ALG3: variants seen among roughly 807,000 people sequenced by gnomAD.
ALG3 encodes ALG3 alpha-1,3- mannosyltransferase.
ALG3 carries 39 observed loss-of-function variants against 50.5 expected under a neutral mutation model. The observed-to-expected ratio is 0.77, with a 90% CI of 0.60 to 1.01. The LOEUF (loss-of-function observed/expected upper bound fraction) is 1.01. Among genes scored for constraint, ALG3 ranks in the 50% least tolerant of loss-of-function variants. The probability of loss-of-function intolerance (pLI) is 0.00; values close to 1 mark genes in which losing one functional copy is unlikely to be tolerated. For synonymous variants in ALG3, 252 were observed against 237.2 expected, an observed-to-expected ratio of 1.06 and a Z score of -0.58; for missense variants, 520 against 554.8, an observed-to-expected ratio of 0.94 and a Z score of 0.63.
intron 7 of ALG3, chr3:184,243,291 T>C (rs1490877425): frequency 5.2e-6 from 3 of 576,898 alleles, no homozygotes; most frequent in South Asian, 2.3e-5. Context: ...TCGGGGTCTC[T>C]TGTGAGCTTT....
In ALG3 at chr3:184,242,947, AG is replaced by A; in HGVS notation, c.1019del (p.Ser340LeufsTer128). On this transcript the variant is annotated frameshift_variant, in exon 8 of 9. Transcript: ENST00000397676. LOFTEE classifies it high-confidence loss of function. ...PQPLTPNQIVSTLFTSNFIGI... is the reference protein window; with the variant it reads ...PQPLTPNQIVXTLFTSNFIGI... Reference sequence around the variant, plus strand: ...CAATGAAGTTGGAGGTGAAGAGGGTAGAAACGATCTGTATGCGGTGGTCAAG... The same window carrying A: ...CAATGAAGTTGGAGGTGAAGAGGGTAAAACGATCTGTATGCGGTGGTCAAG... 6.2e-7 allele frequency: 1 copy of A among 1,613,516 alleles called. No individual in the cohort carries two copies.
intron 1 of ALG3, among the ~76,000 whole-genome samples, chr3:184,246,999 G>A (rs1179396938): frequency 3.9e-5 from 6 of 152,082 alleles, no homozygotes; most frequent in African/African-American, 9.7e-5. Flanking sequence ...CCATCTCCCC[G>A]GTTCGAGCCA....
chr3:184,244,754 T>C, intron 4 of ALG3, 33 bp from the exon 5 acceptor site: 1 of 1,597,850 alleles, frequency 6.3e-7, no homozygotes, highest in Non-Finnish European at 8.5e-7. Context: ...AGGGTGGAGA[T>C]CAGCTCCAGG....
intron 1 of ALG3, among the ~76,000 whole-genome samples, chr3:184,246,282 T>C (rs768122225): frequency 6.6e-6 from 1 of 152,198 alleles, no homozygotes; most frequent in Non-Finnish European, 1.5e-5. Context: ...ACTTCTACTT[T>C]CACCCTGCTA....
intron 3 of ALG3, 38 bp from the exon 4 acceptor site, chr3:184,245,396 G>A: frequency 6.2e-7 from 1 of 1,613,302 alleles, no homozygotes. Flanking sequence ...GGTCAGCTCA[G>A]CAAGCCTGAG....
upstream of ALG3, chr3:184,249,246 C>G (rs1487686078): frequency 6.2e-7 from 1 of 1,612,700 alleles, no homozygotes; most frequent in Non-Finnish European, 8.5e-7. Flanking sequence ...ACCGCTGAAG[C>G]CAGCATTCTC....
Position 184,245,574 on chromosome 3 carries a change from T to C in ALG3, c.338A>G (p.Tyr113Cys), listed in dbSNP as rs745555108. The C allele has an allele frequency of 6.2e-7, 1 of 1,613,682 alleles. No homozygotes were observed. Among genetic ancestry groups the C allele is most frequent in the Non-Finnish European group, 8.5e-7 (1 of 1,179,764 alleles). ...GFVYIFMGLY[Y>C]ATSRGTDIRM... ...GATGTCAGTGCCTCGGCTGGTGGCA[T>C]AGTACAACCCCATAAAGATGTACAC... The change falls in exon 3 of 9, where the codon TAT (tyrosine) becomes TGT (cysteine). Residue 113 changes from tyrosine to cysteine, a missense_variant. Physicochemically the swap from Tyr to Cys is radical, Grantham distance 194. This residue lies in a region of ALG3 where 290 missense variants were observed against 265.9 expected (regional missense o/e 1.09). Transcript: ENST00000397676.
At position 184,248,765 on chromosome 3, in the gene ALG3, CAGA is replaced by C; in HGVS notation, c.173_175del (p.Phe58del). The stretch of plus-strand genomic sequence containing the variant: ...CTCACATGCCACCCTGTGAATGACC[CAGA>C]AGGTGATGCCCACCTCCGCCAGGCA... On this transcript the variant is annotated inframe_deletion, in exon 1 of 9. Coordinates refer to ENST00000397676, the MANE Select transcript of ALG3 (RefSeq NM_005787.6). 1.3e-6 allele frequency: 2 copies of C among 1,595,078 alleles called. No individual in the cohort carries two copies. Among genetic ancestry groups the C allele is most frequent in the Non-Finnish European group, 1.7e-6 (2 of 1,167,968 alleles).
At chr3:184,244,794 C>G in intron 4 of ALG3, 73 bp from the exon 5 acceptor site, 1 of 1,533,130 alleles carries the variant, frequency 6.5e-7, no homozygotes, top group Non-Finnish European at 8.8e-7. Flanking sequence ...AAGACATACC[C>G]CCCACCATCA....
chr3:184,242,526 C>T lies in ALG3; in HGVS notation c.1305G>A (p.Lys435=). The T allele has an allele frequency of 1.9e-6, 3 of 1,612,752 alleles. No homozygotes were observed. The highest frequency in any genetic ancestry group is 2.5e-6 in the Non-Finnish European group (3 of 1,179,390). The change falls in exon 9 of 9, where the codon AAG becomes AAA. Residue 435 remains lysine (K), a synonymous_variant. Coordinates refer to ENST00000397676, the MANE Select transcript of ALG3 (RefSeq NM_005787.6). ...AAAGGGGTGGACTTCAGTGGGCTTT[C>T]TTGCTGTGTTGGGTGCTCTTGGGGA... ...QPFPKSTQHS[K]KAH
chr3:184,246,807 G>A (rs780162708), intron 1 of ALG3, among the ~76,000 whole-genome samples: 23 of 151,858 alleles, frequency 1.5e-4, no homozygotes, highest in Non-Finnish European at 2.8e-4. Context: ...CTCCCGAGTA[G>A]CTGGGACTAC....
chr3:184,244,868 T>C (rs1719043908), intron 4 of ALG3, 147 bp from the exon 5 acceptor site: 3 of 1,191,778 alleles, frequency 2.5e-6, no homozygotes, highest in African/African-American at 1.6e-5. Context: ...CACTCACAAC[T>C]GTTGGAGGGA....
upstream of ALG3, chr3:184,249,183 C>G (rs1199530124): frequency 1.2e-6 from 2 of 1,602,750 alleles, no homozygotes; most frequent in East Asian, 4.5e-5. Context: ...TACACAGGCG[C>G]TAATTTAGAA....
chr3:184,243,033 AG>A, intron 7 of ALG3, 76 bp from the exon 8 acceptor site: 1 of 1,567,242 alleles, frequency 6.4e-7, no homozygotes, highest in Non-Finnish European at 8.7e-7. Flanking sequence ...AATAGTTTTT[AG>A]GTCACATAGC....
Position 184,242,430 on chromosome 3 carries a change from T to C in ALG3, c.*84A>G, listed in dbSNP as rs1006772813. The C allele has an allele frequency of 7.9e-6, 12 of 1,520,420 alleles. No homozygotes were observed. Among genetic ancestry groups the C allele is most frequent in the Non-Finnish European group, 9.8e-6 (11 of 1,117,146 alleles). 94.2% of individuals were successfully genotyped at this position (1,520,420 alleles called of 1,614,324 possible). On this transcript the variant is annotated 3_prime_UTR_variant, in exon 9 of 9. Coordinates refer to ENST00000397676, the MANE Select transcript of ALG3 (RefSeq NM_005787.6). Reference sequence around the variant, plus strand: ...CATGTAGGTTGCACAGAGTTGGACTTAGCAAGGTTTATTTGGAAGGGCAGA... The same window carrying C: ...CATGTAGGTTGCACAGAGTTGGACTCAGCAAGGTTTATTTGGAAGGGCAGA...
rs775087964 is a variant in ALG3 at position 184,243,641 on chromosome 3, G to A, written c.933-11C>T. 5.0e-6 allele frequency: 8 copies of A among 1,613,616 alleles called. No individual in the cohort carries two copies. In the African/African-American group the frequency reaches 1.1e-4, roughly 22 times the overall value. On this transcript the variant is annotated splice_polypyrimidine_tract_variant and intron_variant, in intron 6 of 8. Coordinates refer to ENST00000397676, the MANE Select transcript of ALG3 (RefSeq NM_005787.6). Reference sequence around the variant, plus strand: ...ATACTTTCCCCTGTCCTGGAGAAAAGCCATTCAGACAGTTATCAAGCCCCT... The same window carrying A: ...ATACTTTCCCCTGTCCTGGAGAAAAACCATTCAGACAGTTATCAAGCCCCT...
intron 5 of ALG3, 71 bp downstream of exon 5, chr3:184,244,530 G>T: frequency 6.5e-7 from 1 of 1,537,106 alleles, no homozygotes; most frequent in Non-Finnish European, 8.8e-7. Context: ...GGGAGTCTCA[G>T]GGATAGAGCC....
intron 4 of ALG3, 140 bp from the exon 5 acceptor site, chr3:184,244,861 TCA>T (rs2108441498): frequency 8.2e-7 from 1 of 1,225,652 alleles, no homozygotes; most frequent in East Asian, 2.6e-5. Context: ...GGACCTACAC[TCA>T]CAACTGTTGG....
Position 184,245,422 on chromosome 3 carries a change from A to C in ALG3, c.444+46T>G. On this transcript the variant is annotated intron_variant, in intron 3 of 8. Transcript: ENST00000397676. ...CAAGCCTGAGCCATCCCCACCACCC[A>C]GCCCTCCCAGGCTGGGGCCCTCTAG... The C allele has an allele frequency of 1.9e-6, 3 of 1,613,162 alleles. No individual in the cohort carries two copies. The South Asian group carries it at 3.3e-5, about 18-fold the overall frequency.
Sources: gnomAD v4.1 joint callset for allele counts (sites outside exome capture counted in the v4.1 genomes callset) on GRCh38, gnomAD v4.1.1 for gene constraint, gnomAD v4.1.1 regional missense constraint, MANE v1.5 for transcripts, NCBI Gene and HGNC (gene_info 2026-07-23, HGNC 2026-07-21) for gene names.